EML6: variants seen among roughly 807,000 people sequenced by gnomAD.
The protein encoded by EML6 is EMAP like 6, also known as echinoderm microtubule-associated protein-like 6.
In EML6, 154 loss-of-function variants were observed where a neutral mutation model predicts 240.1. The observed-to-expected ratio is 0.64, with a 90% CI of 0.56 to 0.73. The LOEUF is 0.73. Among genes scored for constraint, EML6 ranks in the 30% least tolerant of loss-of-function variants. The probability of loss-of-function intolerance (pLI) is 0.00; values close to 1 mark genes in which losing one functional copy is unlikely to be tolerated. For synonymous variants in EML6, 1,148 were observed against 899.0 expected, an observed-to-expected ratio of 1.28 and a Z score of -4.95; for missense variants, 2,964 against 2,474.6, an observed-to-expected ratio of 1.20 and a Z score of -4.20.
intron 10 of EML6, among the ~76,000 whole-genome samples, chr2:54,851,905 A>G (rs1670110714): frequency 6.6e-6 from 1 of 152,224 alleles, no homozygotes; most frequent in Admixed American, 6.5e-5. Context: ...CTCCCATCGT[A>G]ACACAGATAT....
chr2:54,872,731 T>C (rs1472638987), intron 16 of EML6, among the ~76,000 whole-genome samples: 1 of 152,268 alleles, frequency 6.6e-6, no homozygotes, highest in African/African-American at 2.4e-5. Flanking sequence ...ACATGCACTC[T>C]TGCCCTTCTT....
intron 2 of EML6, among the ~76,000 whole-genome samples, chr2:54,734,763 G>A (rs1683321401): frequency 6.6e-6 from 1 of 152,186 alleles, no homozygotes; most frequent in African/African-American, 2.4e-5. Context: ...CCATGGCAAC[G>A]AGTGAAAAGG....
chr2:54,738,655 G>A (rs1278071806), intron 2 of EML6, among the ~76,000 whole-genome samples: 1 of 152,132 alleles, frequency 6.6e-6, no homozygotes. Context: ...TAAAAGGAAT[G>A]GTACAGTTTG....
intron 25 of EML6, among the ~76,000 whole-genome samples, chr2:54,911,903 T>A (rs1032750055): frequency 1.3e-5 from 2 of 152,220 alleles, no homozygotes; most frequent in Non-Finnish European, 2.9e-5. Flanking sequence ...CTAACACCTC[T>A]TGAAAGCTAG....
intron 28 of EML6, among the ~76,000 whole-genome samples, chr2:54,947,035 A>G (rs979282713): frequency 1.3e-5 from 2 of 152,022 alleles, no homozygotes; most frequent in Admixed American, 6.6e-5. Context: ...TGTATAATAT[A>G]TTACATATTA....
intron 10 of EML6, 114 bp downstream of exon 10, chr2:54,850,332 T>G: frequency 3.0e-6 from 3 of 991,470 alleles, no homozygotes; most frequent in Non-Finnish European, 4.4e-6. Flanking sequence ...GGTTTTCTGG[T>G]TTTTGCCGGA....
chr2:54,896,439 T>C (rs1332956824), intron 21 of EML6, among the ~76,000 whole-genome samples: 1 of 152,140 alleles, frequency 6.6e-6, no homozygotes, highest in Non-Finnish European at 1.5e-5. Flanking sequence ...CTAAAATAAA[T>C]GTAACAGAAC....
chr2:54,898,384 G>C (rs900725824), intron 21 of EML6, among the ~76,000 whole-genome samples: 1 of 152,116 alleles, frequency 6.6e-6, no homozygotes, highest in Admixed American at 6.6e-5. Flanking sequence ...CTATAGAAGA[G>C]CTTCAAGCAG....
At chr2:54,954,244 C>G in intron 32 of EML6, 88 bp downstream of exon 32, 16 of 1,231,596 alleles carry the variant, frequency 1.3e-5, no homozygotes, top group Non-Finnish European at 1.8e-5. Flanking sequence ...TGCCTCACTC[C>G]GAAGCCTGCC....
At chr2:54,923,676 A>T (rs956449494) in intron 26 of EML6, among the ~76,000 whole-genome samples, 6 of 152,122 alleles carry the variant, frequency 3.9e-5, no homozygotes, top group African/African-American at 1.4e-4. Flanking sequence ...ATAAATGTTC[A>T]GTGTTCCATT....
intron 26 of EML6, among the ~76,000 whole-genome samples, chr2:54,917,180 AAAGT>A (rs1256109442): frequency 6.6e-6 from 1 of 152,194 alleles, no homozygotes; most frequent in Non-Finnish European, 1.5e-5. Flanking sequence ...CACAAACTGC[AAAGT>A]AAGTGTTACC....
chr2:54,854,765 C>A (rs2103784961), intron 11 of EML6, among the ~76,000 whole-genome samples: 2 of 152,300 alleles, frequency 1.3e-5, no homozygotes. Flanking sequence ...ACAAAATGAC[C>A]ATCCGTTTAA....
chr2:54,939,928 G>A (rs540174326), intron 28 of EML6, among the ~76,000 whole-genome samples: 1 of 152,340 alleles, frequency 6.6e-6, no homozygotes, highest in Non-Finnish European at 1.5e-5. Flanking sequence ...CAAACACGAG[G>A]AGGCGGTGCC....
chr2:54,915,089 C>G (rs1419658432), intron 25 of EML6, among the ~76,000 whole-genome samples: 2 of 152,222 alleles, frequency 1.3e-5, no homozygotes, highest in African/African-American at 4.8e-5. Context: ...CTCCTTCCAT[C>G]TTAGTTCCAG....
At chr2:54,879,736 T>G (rs1057248269) in intron 17 of EML6, 96 bp downstream of exon 17, 37 of 785,472 alleles carry the variant, frequency 4.7e-5, no homozygotes, top group Non-Finnish European at 7.1e-5. Flanking sequence ...ATCTTCAAAC[T>G]CAGGTGAAAT....
intron 2 of EML6, among the ~76,000 whole-genome samples, chr2:54,771,236 C>G (rs754837918): frequency 1.3e-5 from 2 of 152,158 alleles, no homozygotes; most frequent in Admixed American, 1.3e-4. Flanking sequence ...TCCCTAAAGC[C>G]TTTAACCTGG....
chr2:54,953,347 A>C (rs1676074931), intron 31 of EML6, among the ~76,000 whole-genome samples: 1 of 152,184 alleles, frequency 6.6e-6, no homozygotes, highest in South Asian at 2.1e-4. Flanking sequence ...AGTAGTTTGA[A>C]TCTGCAGAGC....
intron 17 of EML6, chr2:54,880,329 G>C (rs555512274): frequency 2.6e-5 from 4 of 152,204 alleles, no homozygotes; most frequent in South Asian, 2.1e-4. Context: ...TTGCCGAGGC[G>C]TGTTGTCAGT....
chr2:54,963,567 T>A lies in EML6; in HGVS notation c.5158-419T>A, dbSNP rs571277601. The stretch of plus-strand genomic sequence containing the variant: ...AGCAGAGGCAGAAGCTCACACTCTT[T>A]CCCCTAAAGAAGAGGTTGGCAATCT... On this transcript the variant is annotated intron_variant, in intron 36 of 41. Coordinates refer to ENST00000356458, the MANE Select transcript of EML6 (RefSeq NM_001039753.4). Among the ~76,000 whole-genome samples, 105 of 152,322 alleles carry A rather than the reference T, an allele frequency of 6.9e-4. 1 individual carries two copies. Among genetic ancestry groups the A allele is most frequent in the African/African-American group, 2.3e-3 (97 of 41,566 alleles).
Sources: gnomAD v4.1 joint callset for allele counts (sites outside exome capture counted in the v4.1 genomes callset) on GRCh38, gnomAD v4.1.1 for gene constraint, MANE v1.5 for transcripts, NCBI Gene and HGNC (gene_info 2026-07-23, HGNC 2026-07-21) for gene names.